Variants in ZC3H4 observed in about 807,000 individuals in gnomAD.
ZC3H4 encodes zinc finger CCCH domain-containing protein 4.
In ZC3H4, 13 loss-of-function variants were observed where a neutral mutation model predicts 108.3. The observed-to-expected ratio is 0.12, with a 90% CI of 0.08 to 0.19. The LOEUF (loss-of-function observed/expected upper bound fraction) is 0.19, where lower values mean the gene tolerates loss of function less well. Among genes scored for constraint, ZC3H4 ranks in the 10% least tolerant of loss-of-function variants. The pLI is 1.00. For missense variants in ZC3H4, 1,734 were observed against 1,838.8 expected, an observed-to-expected ratio of 0.94 and a Z score of 1.04; for synonymous variants, 917 against 749.6, an observed-to-expected ratio of 1.22 and a Z score of -3.65.
chr19:47,087,303 A>G (rs1249191977), intron 5 of ZC3H4, among the ~76,000 whole-genome samples: 1 of 151,744 alleles, frequency 6.6e-6, no homozygotes, highest in Non-Finnish European at 1.5e-5. Flanking sequence ...CACACAAAAA[A>G]AAACCCAAAT....
chr19:47,102,815 A>G (rs2057920702), intron 2 of ZC3H4, among the ~76,000 whole-genome samples: 1 of 152,026 alleles, frequency 6.6e-6, no homozygotes, highest in Non-Finnish European at 1.5e-5. Context: ...AAGAGAAAGC[A>G]ATACAAAAAT....
chr19:47,073,919 A>C (rs1303514398), intron 11 of ZC3H4, among the ~76,000 whole-genome samples: 1 of 152,094 alleles, frequency 6.6e-6, no homozygotes, highest in Non-Finnish European at 1.5e-5. Context: ...TCATGTTTGG[A>C]TTTTAAGGGC....
chr19:47,100,938 T>C (rs1192720867), intron 2 of ZC3H4, among the ~76,000 whole-genome samples: 1 of 151,974 alleles, frequency 6.6e-6, no homozygotes, highest in Non-Finnish European at 1.5e-5. Flanking sequence ...CCTCAGGTGA[T>C]CCGCCTGCCT....
chr19:47,078,790 C>T (rs935613649), intron 11 of ZC3H4, among the ~76,000 whole-genome samples: 2 of 152,168 alleles, frequency 1.3e-5, no homozygotes, highest in African/African-American at 4.8e-5. Context: ...ACCTGGAAGG[C>T]AGAGGTTGCA....
Position 47,085,379 on chromosome 19 carries a change from G to A in ZC3H4, c.906C>T (p.Asp302=), listed in dbSNP as rs373292156. Residue 302 remains aspartate (D), a synonymous_variant, in exon 7 of 15, where the codon GAC becomes GAT. Transcript: ENST00000253048. ...TCAGCTCCTTGGAGTACTCGTCATA[G>A]TCGTCGTCTCCCATTGGCTCCTCAC... is the stretch of plus-strand genomic sequence containing the variant. The part of the protein sequence containing the change: ...GESEEPMGDD[D]YDEYSKELNQ... The A allele has an allele frequency of 3.1e-6, 5 of 1,601,548 alleles. No homozygotes were observed. In the South Asian group the frequency reaches 3.4e-5, roughly 11 times the overall value.
chr19:47,089,366 TTTGG>T (rs1236035608), intron 5 of ZC3H4, among the ~76,000 whole-genome samples: 1 of 150,472 alleles, frequency 6.6e-6, no homozygotes, highest in South Asian at 2.1e-4. Flanking sequence ...AATGGTTCTT[TTTGG>T]TTGCTGTTGT....
chr19:47,088,340 G>A (rs1030729358), intron 5 of ZC3H4, among the ~76,000 whole-genome samples: 4 of 151,880 alleles, frequency 2.6e-5, no homozygotes, highest in African/African-American at 9.7e-5. Context: ...GAGGTCGAGA[G>A]ATCGAGACCA....
chr19:47,113,279 A>C (rs1007867928), intron 1 of ZC3H4: 1 of 153,398 alleles, frequency 6.5e-6, no homozygotes, highest in African/African-American at 2.4e-5. Flanking sequence ...GGCGAGGCCG[A>C]GGGGAGGCGG....
chr19:47,078,113 T>C (rs1437816034), intron 11 of ZC3H4, among the ~76,000 whole-genome samples: 2 of 152,216 alleles, frequency 1.3e-5, no homozygotes, highest in Non-Finnish European at 2.9e-5. Context: ...AAAAAATTTT[T>C]TTTCCAGCCG....
chr19:47,107,381 G>T (rs1600114048), intron 2 of ZC3H4, among the ~76,000 whole-genome samples: 2 of 152,112 alleles, frequency 1.3e-5, no homozygotes, highest in East Asian at 3.9e-4. Context: ...TGAGAAGTGG[G>T]CATTTTATAC....
chr19:47,105,584 G>C lies in ZC3H4; in HGVS notation c.161+6840C>G, dbSNP rs539943172. 2.6e-5 allele frequency among the ~76,000 whole-genome samples: 4 copies of C among 152,246 alleles called. No homozygotes were observed. In the South Asian group the frequency reaches 6.2e-4, roughly 24 times the overall value. ...ACCGCACTCCAGCCTGGGTGACAGA[G>C]CAAGATTCTGTCTCAAAACAACACA... On this transcript the variant is annotated intron_variant, in intron 2 of 14. Transcript: ENST00000253048.
intron 4 of ZC3H4, among the ~76,000 whole-genome samples, chr19:47,090,999 G>A (rs2057722474): frequency 1.3e-5 from 2 of 152,200 alleles, no homozygotes; most frequent in Non-Finnish European, 2.9e-5. Flanking sequence ...GGGCGCGGTG[G>A]CTCATGCCTG....
At chr19:47,109,665 G>T (rs1600119025) in intron 2 of ZC3H4, among the ~76,000 whole-genome samples, 1 of 152,244 alleles carries the variant, frequency 6.6e-6, no homozygotes, top group African/African-American at 2.4e-5. Flanking sequence ...CGGCAGTTGT[G>T]AACATATTAA....
rs1276328435 is a variant in ZC3H4 at position 47,066,958 on chromosome 19, A to C, written c.3310T>G (p.Ser1104Ala). The C allele has an allele frequency of 6.3e-7, 1 of 1,592,302 alleles. No individual in the cohort carries two copies. Among genetic ancestry groups the C allele is most frequent in the Non-Finnish European group, 8.5e-7 (1 of 1,170,244 alleles). Residue 1104 changes from serine (S) to alanine (A), a missense_variant, in exon 15 of 15, where the codon TCT (serine) becomes GCT (alanine). Physicochemically the swap from Ser to Ala is moderately conservative, Grantham distance 99. This residue lies in a region of ZC3H4 where 518 missense variants were observed against 499.6 expected (regional missense o/e 1.04). Coordinates refer to ENST00000253048, the MANE Select transcript of ZC3H4 (RefSeq NM_015168.2). Reference protein sequence around the residue: ...AAKPGPAEAPSPTASPSGDAS... With the variant: ...AAKPGPAEAPAPTASPSGDAS... ...TCCCCACTCGGGCTGGCGGTGGGAG[A>C]GGGCGCCTCAGCAGGGCCGGGCTTG...
At chr19:47,097,210 G>A (rs118054458) in intron 2 of ZC3H4, among the ~76,000 whole-genome samples, 39 of 152,308 alleles carry the variant, frequency 2.6e-4, no homozygotes, top group Non-Finnish European at 5.1e-4. Flanking sequence ...GGCACATCTG[G>A]GCTCAAAGAG....
At chr19:47,093,902 G>A in intron 4 of ZC3H4, 68 bp downstream of exon 4, 1 of 1,410,426 alleles carries the variant, frequency 7.1e-7, no homozygotes, top group South Asian at 1.2e-5. Context: ...CACAGCAAGT[G>A]CTCAAGAAAC....
intron 11 of ZC3H4, among the ~76,000 whole-genome samples, chr19:47,075,963 G>A (rs1053277817): frequency 6.6e-6 from 1 of 152,096 alleles, no homozygotes; most frequent in East Asian, 1.9e-4. Context: ...CTAGCACCCC[G>A]CTAGGTGCCA....
chr19:47,069,326 C>T lies in ZC3H4; in HGVS notation c.2164G>A (p.Glu722Lys), dbSNP rs536850007. 1.1e-5 allele frequency: 18 copies of T among 1,612,948 alleles called. No homozygotes were observed. Among genetic ancestry groups the T allele is most frequent in the South Asian group, 2.2e-5 (2 of 90,888 alleles). ...TCCCCAGGCTCCCCTGGCAGCTCTTCGTAGTGCCCGTAGTCCTCTGTGGCA... is the reference window on the plus strand; with the variant it reads ...TCCCCAGGCTCCCCTGGCAGCTCTTTGTAGTGCCCGTAGTCCTCTGTGGCA... ...LGDAEDYGHY[E>K]ELPGEPGEHL... Residue 722 changes from glutamate (E) to lysine (K), a missense_variant, in exon 14 of 15, where the codon GAA becomes AAA. By Grantham distance (56) the Glu-to-Lys change is moderately conservative. This residue lies in a region of ZC3H4 where 540 missense variants were observed against 484.1 expected (regional missense o/e 1.12). Coordinates refer to ENST00000253048, the MANE Select transcript of ZC3H4 (RefSeq NM_015168.2).
intron 11 of ZC3H4, among the ~76,000 whole-genome samples, chr19:47,080,773 C>T (rs1229958906): frequency 6.6e-6 from 1 of 151,856 alleles, no homozygotes; most frequent in Non-Finnish European, 1.5e-5. Flanking sequence ...GCTGGGACTA[C>T]ACGCATGTGC....
Sources: gnomAD v4.1 joint callset for allele counts (sites outside exome capture counted in the v4.1 genomes callset) on GRCh38, gnomAD v4.1.1 for gene constraint, gnomAD v4.1.1 regional missense constraint, MANE v1.5 for transcripts, NCBI Gene and HGNC (gene_info 2026-07-23, HGNC 2026-07-21) for gene names.